The following RORA variants were observed in gnomAD, a reference collection of about 807,000 sequenced individuals.
RORA encodes RAR related orphan receptor A, also known as nuclear receptor ROR-alpha.
Under a neutral mutation model 69.5 loss-of-function variants are expected in RORA, and 7 were observed. The observed-to-expected ratio is 0.10, with a 90% CI of 0.06 to 0.19. The LOEUF (loss-of-function observed/expected upper bound fraction) is 0.19. Among genes scored for constraint, RORA ranks in the 10% least tolerant of loss-of-function variants. RORA has a pLI of 1.00. For missense variants in RORA, 457 were observed against 663.0 expected, an observed-to-expected ratio of 0.69 and a Z score of 3.41; for synonymous variants, 261 against 240.8, an observed-to-expected ratio of 1.08 and a Z score of -0.78.
At chr15:60,510,239 G>A (rs1374152976) in intron 5 of RORA, among the ~76,000 whole-genome samples, 1 of 152,204 alleles carries the variant, frequency 6.6e-6, no homozygotes, top group African/African-American at 2.4e-5. Context: ...AACCTTGTGT[G>A]AGGAACCACC....
At chr15:60,508,122 A>G (rs2065573181) in intron 5 of RORA, among the ~76,000 whole-genome samples, 1 of 152,250 alleles carries the variant, frequency 6.6e-6, no homozygotes, top group South Asian at 2.1e-4. Flanking sequence ...GAGTATGGTC[A>G]GGCTGAATAA....
chr15:60,716,072 T>C (rs1419463810), intron 1 of RORA, among the ~76,000 whole-genome samples: 1 of 152,200 alleles, frequency 6.6e-6, no homozygotes, highest in African/African-American at 2.4e-5. Flanking sequence ...TGCCTGGAGA[T>C]CTTATTAAAT....
chr15:61,217,932 G>C (rs1341597430), intron 1 of RORA, among the ~76,000 whole-genome samples: 5 of 152,014 alleles, frequency 3.3e-5, no homozygotes, highest in Non-Finnish European at 7.4e-5. Context: ...AAGTCATAAT[G>C]AGTAACACCT....
At chr15:60,586,423 G>A (rs763127465) in intron 2 of RORA, among the ~76,000 whole-genome samples, 2 of 152,052 alleles carry the variant, frequency 1.3e-5, no homozygotes, top group Non-Finnish European at 2.9e-5. Context: ...AAAAAGGACT[G>A]GAGAGGGACA....
intron 1 of RORA, among the ~76,000 whole-genome samples, chr15:60,988,491 G>T (rs903484459): frequency 1.1e-4 from 16 of 152,146 alleles, no homozygotes; most frequent in African/African-American, 3.9e-4. Context: ...CTCATCTGTT[G>T]TTCCGCCTCC....
intron 2 of RORA, among the ~76,000 whole-genome samples, chr15:60,548,986 C>A (rs572089170): frequency 6.6e-6 from 1 of 152,170 alleles, no homozygotes; most frequent in Non-Finnish European, 1.5e-5. Context: ...TTACATTGCT[C>A]TTATTAAACT....
intron 1 of RORA, among the ~76,000 whole-genome samples, chr15:61,036,209 G>A (rs945245414): frequency 3.9e-5 from 6 of 152,138 alleles, no homozygotes; most frequent in African/African-American, 9.7e-5. Flanking sequence ...GAGGTCCTAC[G>A]GGAGCAGCCA....
At chr15:61,019,665 G>A (rs1440551813) in intron 1 of RORA, among the ~76,000 whole-genome samples, 2 of 152,126 alleles carry the variant, frequency 1.3e-5, no homozygotes, top group Non-Finnish European at 2.9e-5. Flanking sequence ...CTCAAAAGAG[G>A]AAACCATTCA....
chr15:60,627,585 C>G (rs2140643690), intron 2 of RORA: 3 of 1,214,492 alleles, frequency 2.5e-6, no homozygotes, highest in Non-Finnish European at 3.1e-6. Context: ...TTACAATTCT[C>G]CCATAATTGT....
At position 60,975,110 on chromosome 15, in the gene RORA, C is replaced by A. The variant is rs536706144; in HGVS notation, c.166+253943G>T. ...AAGGGAAGAAGCATGATGAGGCACA[C>A]GTCTTAAAAAGATAACTGTGGAGAG... is the stretch of plus-strand genomic sequence containing the variant. On this transcript the variant is annotated intron_variant, in intron 1 of 10. Coordinates refer to ENST00000335670, the MANE Select transcript of RORA (RefSeq NM_134261.3). Among the ~76,000 whole-genome samples the A allele has an allele frequency of 5.3e-5, 8 of 152,194 alleles. 1 individual carries two copies. The South Asian group carries it at 1.5e-3, about 28-fold the overall frequency.
intron 1 of RORA, among the ~76,000 whole-genome samples, chr15:60,841,840 T>C (rs1028800569): frequency 3.3e-5 from 5 of 152,210 alleles, no homozygotes; most frequent in East Asian, 1.9e-4. Flanking sequence ...CCACTGTATC[T>C]GGTGTAAAAC....
intron 1 of RORA, among the ~76,000 whole-genome samples, chr15:61,166,707 G>C (rs1311668919): frequency 1.3e-5 from 2 of 152,024 alleles, no homozygotes; most frequent in Non-Finnish European, 2.9e-5. Context: ...GTTAGAGGGA[G>C]AGCCAGAGCT....
chr15:61,210,755 T>C (rs912277229), intron 1 of RORA, among the ~76,000 whole-genome samples: 1 of 152,254 alleles, frequency 6.6e-6, no homozygotes, highest in African/African-American at 2.4e-5. Context: ...CAAAGACAAC[T>C]AGACTTACGG....
chr15:60,853,386 T>C (rs1004733217), intron 1 of RORA, among the ~76,000 whole-genome samples: 1 of 152,004 alleles, frequency 6.6e-6, no homozygotes, highest in Non-Finnish European at 1.5e-5. Flanking sequence ...AATAGAGAAA[T>C]GGAGTGACTG....
At chr15:60,631,064 A>T (rs2140652545) in intron 2 of RORA, among the ~76,000 whole-genome samples, 1 of 151,576 alleles carries the variant, frequency 6.6e-6, no homozygotes, top group Non-Finnish European at 1.5e-5. Flanking sequence ...TAATTTTTGT[A>T]TTTTTAGTAG....
chr15:60,646,004 G>T (rs886244226), intron 2 of RORA, among the ~76,000 whole-genome samples: 2 of 152,080 alleles, frequency 1.3e-5, no homozygotes, highest in African/African-American at 4.8e-5. Context: ...TCGGGGCCTC[G>T]CCCGTATGCT....
At chr15:60,902,797 C>A (rs116385609) in intron 1 of RORA, among the ~76,000 whole-genome samples, 1 of 152,184 alleles carries the variant, frequency 6.6e-6, no homozygotes, top group African/African-American at 2.4e-5. Context: ...AAGAGGCACA[C>A]AATCAGCTCT....
chr15:60,792,587 G>C (rs577493610), intron 1 of RORA, among the ~76,000 whole-genome samples: 22 of 152,270 alleles, frequency 1.4e-4, no homozygotes, highest in Admixed American at 1.2e-3. Context: ...ACAACAATAT[G>C]AATGATAGCT....
intron 3 of RORA, among the ~76,000 whole-genome samples, chr15:60,525,099 C>T (rs182223372): frequency 5.5e-4 from 84 of 151,900 alleles, no homozygotes; most frequent in East Asian, 2.7e-3. Context: ...AAAACAAACA[C>T]GCAAAAAAAC....
Sources: allele counts gnomAD v4.1 joint callset (sites outside exome capture counted in the v4.1 genomes callset), GRCh38; gene constraint gnomAD v4.1.1; transcripts MANE v1.5; gene names NCBI Gene and HGNC (gene_info 2026-07-23, HGNC 2026-07-21).